ETV6: variants seen among roughly 807,000 people sequenced by gnomAD.
The protein encoded by ETV6 is ETS variant transcription factor 6.
In ETV6, 16 loss-of-function variants were observed where a neutral mutation model predicts 51.1. That is an observed-to-expected ratio of 0.31 (90% CI 0.21 to 0.48). ETV6 has a LOEUF of 0.48. ETV6 is among the 20% of genes least tolerant of loss of function. The pLI is 0.99. For missense variants in ETV6, 458 were observed against 594.8 expected (o/e 0.77, Z 2.39); for synonymous variants, 240 against 224.1 (o/e 1.07, Z -0.64).
intron 1 of ETV6, among the ~76,000 whole-genome samples, chr12:11,660,076 AAAG>A (rs1397724582): frequency 3.9e-5 from 6 of 152,260 alleles, no homozygotes; most frequent in African/African-American, 1.4e-4. Context: ...TCCTAACACA[AAAG>A]AAAAATGTTT....
At chr12:11,810,569 T>G (rs1945898739) in intron 2 of ETV6, among the ~76,000 whole-genome samples, 1 of 152,072 alleles carries the variant, frequency 6.6e-6, no homozygotes. Flanking sequence ...CACACTGAAA[T>G]AAAAAATACC....
chr12:11,665,961 A>G (rs1591594986), intron 1 of ETV6, among the ~76,000 whole-genome samples: 1 of 152,226 alleles, frequency 6.6e-6, no homozygotes, highest in South Asian at 2.1e-4. Flanking sequence ...ACAGCCCAAG[A>G]TAAATGAATG....
At chr12:11,654,799 C>G (rs1207287095) in intron 1 of ETV6, among the ~76,000 whole-genome samples, 1 of 152,174 alleles carries the variant, frequency 6.6e-6, no homozygotes, top group Non-Finnish European at 1.5e-5. Context: ...GCTGTTAGGA[C>G]TCCTTTGAGG....
chr12:11,720,419 T>C (rs1865360868), intron 1 of ETV6, among the ~76,000 whole-genome samples: 1 of 152,208 alleles, frequency 6.6e-6, no homozygotes, highest in Non-Finnish European at 1.5e-5. Flanking sequence ...TCAGTTTCCC[T>C]GTCTGTAAAA....
intron 1 of ETV6, among the ~76,000 whole-genome samples, chr12:11,709,109 T>C (rs1865126649): frequency 1.3e-5 from 2 of 152,088 alleles, no homozygotes; most frequent in Non-Finnish European, 2.9e-5. Flanking sequence ...TAATATTTGA[T>C]ATATAACCAA....
chr12:11,720,248 G>A (rs542704343), intron 1 of ETV6, among the ~76,000 whole-genome samples: 2 of 152,324 alleles, frequency 1.3e-5, no homozygotes, highest in South Asian at 2.1e-4. Flanking sequence ...TCCCTAATAA[G>A]CCTTGAGAGT....
At chr12:11,698,658 G>C (rs1202684472) in intron 1 of ETV6, among the ~76,000 whole-genome samples, 1 of 152,176 alleles carries the variant, frequency 6.6e-6, no homozygotes, top group Non-Finnish European at 1.5e-5. Context: ...TTATAGGTGT[G>C]ACCTCAATTT....
chr12:11,765,678 C>T (rs1226299488), intron 2 of ETV6, among the ~76,000 whole-genome samples: 3 of 151,928 alleles, frequency 2.0e-5, no homozygotes, highest in Non-Finnish European at 2.9e-5. Flanking sequence ...CTCCCCCTTC[C>T]TTGTTTTACT....
At chr12:11,790,889 C>G (rs973925865) in intron 2 of ETV6, among the ~76,000 whole-genome samples, 11 of 151,966 alleles carry the variant, frequency 7.2e-5, no homozygotes, top group South Asian at 2.1e-4. Context: ...TGTTGGCCAG[C>G]ATGTGGGTCT....
chr12:11,818,517 G>C (rs2855734), intron 2 of ETV6, among the ~76,000 whole-genome samples: 1 of 145,290 alleles, frequency 6.9e-6, no homozygotes, highest in East Asian at 2.0e-4. Flanking sequence ...GACAGAGCGA[G>C]AGAGACTCTG....
At chr12:11,769,736 A>T (rs1395430049) in intron 2 of ETV6, among the ~76,000 whole-genome samples, 1 of 152,228 alleles carries the variant, frequency 6.6e-6, no homozygotes, top group Non-Finnish European at 1.5e-5. Context: ...AGACTGTAAC[A>T]TGCCCCTTCA....
At chr12:11,853,839 G>A (rs988780203) in intron 4 of ETV6, among the ~76,000 whole-genome samples, 9 of 152,200 alleles carry the variant, frequency 5.9e-5, no homozygotes, top group Admixed American at 2.0e-4. Context: ...GGTGCAGGAA[G>A]CAGGGTCTTC....
rs188167453 is a variant in ETV6, at chr12:11,888,546, G to A, written c.1254-2395G>A. On this transcript the variant is annotated intron_variant, in intron 7 of 7. Coordinates refer to ENST00000396373, the MANE Select transcript of ETV6 (RefSeq NM_001987.5). ...TAGCTAATAGTAGCTGGAATTACAG[G>A]TGCCTGCCACCACACCTGACTAATT... Among the ~76,000 whole-genome samples, 514 of 152,054 alleles carry A rather than the reference G, an allele frequency of 3.4e-3. 5 individuals carry two copies. Among genetic ancestry groups the A allele is most frequent in the African/African-American group, 0.012 (489 of 41,470 alleles).
intron 1 of ETV6, among the ~76,000 whole-genome samples, chr12:11,706,912 T>C (rs1485868269): frequency 6.6e-6 from 1 of 152,194 alleles, no homozygotes; most frequent in East Asian, 1.9e-4. Flanking sequence ...AGCGAACAGT[T>C]TGTACTGTCA....
chr12:11,839,648 G>A (rs796344042), intron 3 of ETV6, among the ~76,000 whole-genome samples: 25 of 152,326 alleles, frequency 1.6e-4, no homozygotes, highest in African/African-American at 5.8e-4. Context: ...GGGAGGCCAA[G>A]GAGGGTGAAT....
chr12:11,863,383 C>G (rs1328017913), intron 4 of ETV6, among the ~76,000 whole-genome samples: 1 of 152,160 alleles, frequency 6.6e-6, no homozygotes, highest in African/African-American at 2.4e-5. Context: ...TTGTGTCTGA[C>G]AGAGGTCTAC....
At chr12:11,781,222 GAT>G in intron 2 of ETV6, among the ~76,000 whole-genome samples, 1 of 152,318 alleles carries the variant, frequency 6.6e-6, no homozygotes, top group East Asian at 1.9e-4. Context: ...CCTCAGAGAT[GAT>G]ATATTTCAAC....
intron 5 of ETV6, among the ~76,000 whole-genome samples, chr12:11,879,917 A>G (rs1947060374): frequency 6.6e-6 from 1 of 152,046 alleles, no homozygotes. Context: ...GAAAAATTCC[A>G]GGTGAGCCGT....
intron 2 of ETV6, among the ~76,000 whole-genome samples, chr12:11,755,113 G>C (rs1944988408): frequency 6.6e-6 from 1 of 152,140 alleles, no homozygotes; most frequent in South Asian, 2.1e-4. Context: ...GATGAATTCA[G>C]GGTTGACACT....
Sources: allele counts gnomAD v4.1 joint callset (sites outside exome capture counted in the v4.1 genomes callset), GRCh38; gene constraint gnomAD v4.1.1; transcripts MANE v1.5; gene names NCBI Gene and HGNC (gene_info 2026-07-23, HGNC 2026-07-21).